PTPRT: variants seen among roughly 807,000 people sequenced by gnomAD.
The protein encoded by PTPRT is protein tyrosine phosphatase receptor type T, also known as receptor-type tyrosine-protein phosphatase T.
In PTPRT, 56 loss-of-function variants were observed where a neutral mutation model predicts 176.8. That is an observed-to-expected ratio of 0.32 (90% CI 0.26 to 0.40). The LOEUF is 0.40. Among genes scored for constraint, PTPRT ranks in the 10% least tolerant of loss-of-function variants. The pLI is 1.00. For synonymous variants in PTPRT, 783 were observed against 739.0 expected (o/e 1.06, Z -0.96); for missense variants, 1,540 against 1,908.2 (o/e 0.81, Z 3.60).
At chr20:42,760,513 A>C (rs1487489374) in intron 5 of PTPRT, among the ~76,000 whole-genome samples, 1 of 151,940 alleles carries the variant, frequency 6.6e-6, no homozygotes, top group Non-Finnish European at 1.5e-5. Context: ...CATCTCACAT[A>C]AATAAATCAC....
At chr20:42,134,282 G>C (rs1169952579) in intron 18 of PTPRT, among the ~76,000 whole-genome samples, 3 of 152,210 alleles carry the variant, frequency 2.0e-5, no homozygotes, top group Non-Finnish European at 4.4e-5. Context: ...TGTTCATTAT[G>C]CTCTATCTAC....
intron 8 of PTPRT, among the ~76,000 whole-genome samples, chr20:42,467,209 G>A (rs1034859355): frequency 2.6e-5 from 4 of 152,166 alleles, no homozygotes; most frequent in South Asian, 2.1e-4. Context: ...CTCTCAGGAC[G>A]TGTTAAAACC....
At chr20:42,353,489 C>T (rs1054495439) in intron 9 of PTPRT, among the ~76,000 whole-genome samples, 75 of 152,254 alleles carry the variant, frequency 4.9e-4, no homozygotes, top group African/African-American at 1.8e-3. Context: ...CATGTGAGTT[C>T]AGCAATAACC....
intron 7 of PTPRT, among the ~76,000 whole-genome samples, chr20:42,676,878 T>G (rs904096908): frequency 6.6e-6 from 1 of 152,116 alleles, no homozygotes; most frequent in East Asian, 1.9e-4. Context: ...TAGCCCCTGA[T>G]TAGAAATGCA....
chr20:42,391,414 T>C (rs2058798174), intron 9 of PTPRT, among the ~76,000 whole-genome samples: 1 of 152,096 alleles, frequency 6.6e-6, no homozygotes, highest in Non-Finnish European at 1.5e-5. Context: ...TCTGAACACA[T>C]AACATGGCAG....
At chr20:42,959,095 A>G (rs1981839451) in intron 1 of PTPRT, among the ~76,000 whole-genome samples, 1 of 152,224 alleles carries the variant, frequency 6.6e-6, no homozygotes, top group Non-Finnish European at 1.5e-5. Context: ...AGATTGGCCT[A>G]ATGGTTAAAA....
chr20:43,187,803 T>C (rs1600784161), intron 1 of PTPRT, among the ~76,000 whole-genome samples: 3 of 152,182 alleles, frequency 2.0e-5, no homozygotes, highest in Non-Finnish European at 4.4e-5. Context: ...TCCTCACACT[T>C]CTCTAAATGT....
At chr20:42,750,215 T>A (rs193235285) in intron 6 of PTPRT, among the ~76,000 whole-genome samples, 43 of 152,188 alleles carry the variant, frequency 2.8e-4, no homozygotes, top group Admixed American at 7.2e-4. Flanking sequence ...ATGGACAATG[T>A]CTTTGGGAAA....
chr20:42,497,300 A>AT (rs914771684), intron 7 of PTPRT, among the ~76,000 whole-genome samples: 1 of 151,768 alleles, frequency 6.6e-6, no homozygotes, highest in Non-Finnish European at 1.5e-5. Flanking sequence ...CTTTTATGGC[A>AT]TTTTTCCCCC....
At chr20:42,573,329 C>G (rs944899419) in intron 7 of PTPRT, among the ~76,000 whole-genome samples, 3 of 152,190 alleles carry the variant, frequency 2.0e-5, no homozygotes, top group African/African-American at 7.2e-5. Flanking sequence ...GTCCACCCCC[C>G]ACCCACCCAA....
chr20:42,858,079 G>A (rs1037362722), intron 2 of PTPRT, among the ~76,000 whole-genome samples: 1 of 152,148 alleles, frequency 6.6e-6, no homozygotes, highest in Non-Finnish European at 1.5e-5. Context: ...TCATGAATAC[G>A]TGTTCCTCTT....
chr20:42,909,223 C>G (rs2079515885), intron 1 of PTPRT, among the ~76,000 whole-genome samples: 1 of 152,040 alleles, frequency 6.6e-6, no homozygotes, highest in Admixed American at 6.6e-5. Flanking sequence ...GTGTATGTAT[C>G]CTATCATCTA....
chr20:42,053,386 T>C, the PTPRT span, among the ~76,000 whole-genome samples: 3 of 152,162 alleles, frequency 2.0e-5, no homozygotes, highest in Non-Finnish European at 2.9e-5. Flanking sequence ...TGCCTTCTGT[T>C]TCCCCACCTT....
intron 20 of PTPRT, among the ~76,000 whole-genome samples, chr20:42,119,170 A>G (rs938298451): frequency 6.6e-6 from 1 of 152,128 alleles, no homozygotes; most frequent in Non-Finnish European, 1.5e-5. Context: ...AAAAGTTTGA[A>G]TACCATTTTT....
At chr20:42,911,723 G>T (rs139986914) in intron 1 of PTPRT, among the ~76,000 whole-genome samples, 1 of 151,944 alleles carries the variant, frequency 6.6e-6, no homozygotes, top group African/African-American at 2.4e-5. Context: ...CCTCTAAACC[G>T]CATTTTTCCA....
At chr20:42,641,610 T>C (rs1480918279) in intron 7 of PTPRT, among the ~76,000 whole-genome samples, 1 of 152,170 alleles carries the variant, frequency 6.6e-6, no homozygotes, top group Non-Finnish European at 1.5e-5. Context: ...TGCTTTGCCA[T>C]CACTGGGAGC....
chr20:42,842,732 T>C (rs2078300171), intron 2 of PTPRT, among the ~76,000 whole-genome samples: 1 of 152,184 alleles, frequency 6.6e-6, no homozygotes, highest in Non-Finnish European at 1.5e-5. Context: ...AATTTATTGA[T>C]CATAGTTCTT....
chr20:43,104,983 C>T (rs2012537965), intron 1 of PTPRT, among the ~76,000 whole-genome samples: 1 of 152,014 alleles, frequency 6.6e-6, no homozygotes, highest in South Asian at 2.1e-4. Context: ...ATCTGGGGTA[C>T]AAAATATCAA....
chr20:42,055,717 A>C, the PTPRT span, among the ~76,000 whole-genome samples: 1 of 152,176 alleles, frequency 6.6e-6, no homozygotes, highest in Non-Finnish European at 1.5e-5. Flanking sequence ...GAGGAATAGA[A>C]AGGCATCCTG....
Sources: gnomAD v4.1 joint callset for allele counts (sites outside exome capture counted in the v4.1 genomes callset) on GRCh38, gnomAD v4.1.1 for gene constraint, MANE v1.5 for transcripts, NCBI Gene and HGNC (gene_info 2026-07-23, HGNC 2026-07-21) for gene names.